CXADR: variants seen among roughly 807,000 people sequenced by gnomAD.
The protein encoded by CXADR is CXADR cell adhesion molecule.
A neutral mutation model predicts 40.3 loss-of-function variants in CXADR; 20 were observed. The observed-to-expected ratio is 0.50, with a 90% CI of 0.35 to 0.72. The LOEUF is 0.72. Ranked by LOEUF, CXADR falls within the 30% of genes least tolerant of loss-of-function variation. CXADR has a pLI of 0.01. For missense variants in CXADR, 332 were observed against 449.1 expected (o/e 0.74, Z 2.36); for synonymous variants, 150 against 161.3 (o/e 0.93, Z 0.53).
At chr21:17,591,098 G>A (rs2061431615) in intron 7 of CXADR, among the ~76,000 whole-genome samples, 2 of 151,958 alleles carry the variant, frequency 1.3e-5, no homozygotes, top group South Asian at 2.1e-4. Context: ...CTTCTTACAA[G>A]TTTCAAGATT....
intron 1 of CXADR, among the ~76,000 whole-genome samples, chr21:17,538,328 C>T (rs1157754300): frequency 1.3e-5 from 2 of 152,026 alleles, no homozygotes; most frequent in Non-Finnish European, 2.9e-5. Flanking sequence ...TGTGCTCGTG[C>T]TGAGTGAGGC....
intron 1 of CXADR, among the ~76,000 whole-genome samples, chr21:17,525,168 A>T (rs557647357): frequency 6.6e-6 from 1 of 152,214 alleles, no homozygotes; most frequent in South Asian, 2.1e-4. Flanking sequence ...ACCAACATTT[A>T]TACATACTAA....
the CXADR span, among the ~76,000 whole-genome samples, chr21:17,635,178 G>T: frequency 6.6e-6 from 1 of 152,140 alleles, no homozygotes; most frequent in Non-Finnish European, 1.5e-5. Flanking sequence ...TCAAGGTTAA[G>T]ACCTAGAGAC....
At position 17,558,968 on chromosome 21, in the gene CXADR, T is replaced by G. The variant is rs1165756855; in HGVS notation, c.416-8T>G. On this transcript the variant is annotated splice_region_variant and splice_polypyrimidine_tract_variant and intron_variant, in intron 3 of 6. Coordinates refer to ENST00000284878, the MANE Select transcript of CXADR (RefSeq NM_001338.5). ...TTATGTAAATTTATAATTTGTTTTC[T>G]CTTTCAGTTAAGCCTTCAGGTGCGA... 1.6e-5 allele frequency: 26 copies of G among 1,601,976 alleles called. No individual in the cohort carries two copies. Among genetic ancestry groups the G allele is most frequent in the Non-Finnish European group, 2.0e-5 (24 of 1,175,032 alleles).
downstream of CXADR, among the ~76,000 whole-genome samples, chr21:17,572,766 A>T (rs2061289408): frequency 6.6e-6 from 1 of 152,140 alleles, no homozygotes; most frequent in Non-Finnish European, 1.5e-5. Flanking sequence ...TGAAAAAAAA[A>T]ATACCTGCTT....
chr21:17,593,166 C>T (rs2061457143), exon 8 of CXADR: 2 of 1,454,968 alleles, frequency 1.4e-6, no homozygotes, highest in South Asian at 3.0e-5. Flanking sequence ...AGTACCCTTA[C>T]AAGACTGATG....
At chr21:17,562,013 C>T (rs2061129318) in intron 6 of CXADR, among the ~76,000 whole-genome samples, 1 of 152,142 alleles carries the variant, frequency 6.6e-6, no homozygotes, top group African/African-American at 2.4e-5. Flanking sequence ...TACAGGCACA[C>T]TTCAGAGTTA....
chr21:17,593,297 T>G, exon 8 of CXADR: 1 of 1,057,664 alleles, frequency 9.5e-7, no homozygotes. Context: ...GCACAGAGAT[T>G]AGAGCAGCTG....
At chr21:17,623,402 T>C in the CXADR span, among the ~76,000 whole-genome samples, 1 of 152,166 alleles carries the variant, frequency 6.6e-6, no homozygotes, top group Non-Finnish European at 1.5e-5. Flanking sequence ...TACTGATATG[T>C]TTGTATTCAC....
intron 1 of CXADR, among the ~76,000 whole-genome samples, chr21:17,520,660 A>G (rs1271954736): frequency 6.6e-6 from 1 of 152,228 alleles, no homozygotes; most frequent in East Asian, 1.9e-4. Context: ...TAGAGCTAAC[A>G]CAGGAATCCT....
intron 1 of CXADR, among the ~76,000 whole-genome samples, chr21:17,527,851 G>T (rs995070628): frequency 6.7e-6 from 1 of 149,724 alleles, no homozygotes; most frequent in African/African-American, 2.5e-5. Flanking sequence ...TCGCTCTGTC[G>T]CCCAGGCTGG....
At chr21:17,521,675 A>C (rs1000236710) in intron 1 of CXADR, among the ~76,000 whole-genome samples, 4 of 152,204 alleles carry the variant, frequency 2.6e-5, no homozygotes, top group African/African-American at 7.2e-5. Flanking sequence ...AGAGTGAAAA[A>C]TAAACTTCAC....
intron 5 of CXADR, 99 bp from the exon 6 acceptor site, chr21:17,561,239 A>C (rs201106254): frequency 3.7e-6 from 2 of 538,570 alleles, no homozygotes; most frequent in Non-Finnish European, 5.3e-6. Context: ...TCTTAAAGTT[A>C]ACACGTGATG....
chr21:17,564,302 C>G lies in CXADR; in HGVS notation c.834-1126C>G, dbSNP rs534158529. On this transcript the variant is annotated intron_variant, in intron 6 of 6. Coordinates refer to ENST00000284878, the MANE Select transcript of CXADR (RefSeq NM_001338.5). Reference sequence around the variant, plus strand: ...GAGCCCAGGAGTTCAAGACACCAACCTGAGCAAGATGTCTCTATTAAAAAA... The same window carrying G: ...GAGCCCAGGAGTTCAAGACACCAACGTGAGCAAGATGTCTCTATTAAAAAA... Among the ~76,000 whole-genome samples the G allele has an allele frequency of 3.3e-5, 5 of 149,362 alleles. No individual in the cohort carries two copies. The East Asian group carries it at 9.8e-4, about 29-fold the overall frequency.
At chr21:17,544,539 A>G (rs2060869899) in intron 1 of CXADR, among the ~76,000 whole-genome samples, 3 of 106,900 alleles carry the variant, frequency 2.8e-5, no homozygotes, top group African/African-American at 8.7e-5. Flanking sequence ...GAGCTGGTCT[A>G]GACTAGGGCT....
chr21:17,616,009 G>A, the CXADR span, among the ~76,000 whole-genome samples: 1 of 152,134 alleles, frequency 6.6e-6, no homozygotes, highest in Non-Finnish European at 1.5e-5. Context: ...CCAGAACTTT[G>A]GGAGGCTGAG....
intron 1 of CXADR, among the ~76,000 whole-genome samples, chr21:17,543,797 C>T (rs1263254144): frequency 6.6e-6 from 1 of 152,082 alleles, no homozygotes; most frequent in Non-Finnish European, 1.5e-5. Flanking sequence ...AATAGTAAAT[C>T]AGGGCATGCA....
At chr21:17,606,112 C>G in the CXADR span, among the ~76,000 whole-genome samples, 1 of 152,092 alleles carries the variant, frequency 6.6e-6, no homozygotes, top group Non-Finnish European at 1.5e-5. Flanking sequence ...CAATAATAAG[C>G]ATTTTAAAAA....
At position 17,557,116 on chromosome 21, in the gene CXADR, T is replaced by G. The variant is rs185494169; in HGVS notation, c.416-1860T>G. Among the ~76,000 whole-genome samples, 440 of 152,088 alleles carry G rather than the reference T, an allele frequency of 2.9e-3. 4 individuals are homozygous for G. The highest frequency in any genetic ancestry group is 0.012 in the South Asian group (56 of 4,824). On this transcript the variant is annotated intron_variant, in intron 3 of 6. Transcript: ENST00000284878. ...AAAAACCCATTCACGACTGAAAAAA[T>G]GAAAATCAGCTTAAACTAAAAAAGA...
Sources: gnomAD v4.1 joint callset for allele counts (sites outside exome capture counted in the v4.1 genomes callset) on GRCh38, gnomAD v4.1.1 for gene constraint, MANE v1.5 for transcripts, NCBI Gene and HGNC (gene_info 2026-07-23, HGNC 2026-07-21) for gene names.